DYNLRB1: variants seen among roughly 807,000 people sequenced by gnomAD.
DYNLRB1 encodes the protein ROBL/LC7-like 1.
A neutral mutation model predicts 13.5 loss-of-function variants in DYNLRB1; 6 were observed. The observed-to-expected ratio is 0.44, with a 90% CI of 0.24 to 0.88. The LOEUF is 0.88. Among genes scored for constraint, DYNLRB1 ranks in the 40% least tolerant of loss-of-function variants. The pLI is 0.21. For missense variants in DYNLRB1, 93 were observed against 127.2 expected (o/e 0.73, Z 1.29); for synonymous variants, 43 against 45.0 (o/e 0.96, Z 0.18).
chr20:34,537,985 C>CTTTTTTTTTT (rs67763754), intron 3 of DYNLRB1, among the ~76,000 whole-genome samples: 3 of 94,874 alleles, frequency 3.2e-5, no homozygotes, highest in African/African-American at 4.3e-5. Flanking sequence ...CGTGAACAGG[C>CTTTTTTTTTT]TTTTTTTTTT....
intron 1 of DYNLRB1, chr20:34,516,691 GAGCC>G: frequency 6.7e-7 from 1 of 1,501,372 alleles, no homozygotes; most frequent in Non-Finnish European, 8.9e-7. Flanking sequence ...CCGGAAGCGG[GAGCC>G]CAGCCTCGGC....
At chr20:34,518,126 T>TTTTTG (rs770641703) in intron 1 of DYNLRB1, among the ~76,000 whole-genome samples, 2 of 151,920 alleles carry the variant, frequency 1.3e-5, no homozygotes, top group African/African-American at 2.4e-5. Context: ...TTTGTTGTTG[T>TTTTTG]TTTTGTTTTG....
chr20:34,524,331 A>G (rs889835345), intron 1 of DYNLRB1, among the ~76,000 whole-genome samples: 1 of 152,188 alleles, frequency 6.6e-6, no homozygotes, highest in African/African-American at 2.4e-5. Context: ...GTGATGGTAT[A>G]ACATGGTCTA....
chr20:34,516,262 C>T (rs1979152941), upstream of DYNLRB1: 2 of 850,732 alleles, frequency 2.4e-6, no homozygotes, highest in South Asian at 4.0e-5. Flanking sequence ...TGCTCCTTAG[C>T]TTTTCGCTTT....
intron 2 of DYNLRB1, chr20:34,530,038 C>T: frequency 8.0e-7 from 1 of 1,253,188 alleles, no homozygotes; most frequent in South Asian, 3.1e-5. Context: ...AGACTTTTGT[C>T]ACTAAGAGAG....
chr20:34,516,644 G>C (rs966990827), intron 1 of DYNLRB1, 183 bp downstream of exon 1: 2 of 1,479,032 alleles, frequency 1.4e-6, no homozygotes, highest in African/African-American at 1.4e-5. Flanking sequence ...TCTAAAGCCT[G>C]ACCGAGGCGG....
At chr20:34,520,511 A>T (rs545829506) in intron 1 of DYNLRB1, among the ~76,000 whole-genome samples, 3 of 152,222 alleles carry the variant, frequency 2.0e-5, no homozygotes, top group Admixed American at 2.0e-4. Flanking sequence ...CAGTGGCTCA[A>T]TCTCAGCTCA....
At chr20:34,516,770 G>C in intron 1 of DYNLRB1, 1 of 1,550,110 alleles carries the variant, frequency 6.5e-7, no homozygotes, top group Non-Finnish European at 8.7e-7. Flanking sequence ...GGGCCTTGGT[G>C]CGCGATGGCA....
intron 1 of DYNLRB1, among the ~76,000 whole-genome samples, chr20:34,521,633 C>G (rs1261487882): frequency 1.3e-5 from 2 of 152,126 alleles, no homozygotes; most frequent in African/African-American, 4.8e-5. Context: ...TTTATTGCTG[C>G]TTGTTTTTCC....
Position 34,534,697 on chromosome 20 carries a change from T to C in DYNLRB1, c.149T>C (p.Ile50Thr), listed in dbSNP as rs201549381. Reference protein sequence around the residue: ...TQYASLMHSFILKARSTVRDI... With the variant: ...TQYASLMHSFTLKARSTVRDI... ...TATGCCAGCCTCATGCACAGCTTCA[T>C]CCTGAAGGCACGGAGCACCGTGCGT... The change falls in exon 3 of 4, where the codon ATC (isoleucine) becomes ACC (threonine). Residue 50 changes from isoleucine to threonine, a missense_variant. Physicochemically the swap from Ile to Thr is moderately conservative, Grantham distance 89. Transcript: ENST00000357156. The C allele has an allele frequency of 4.4e-5, 70 of 1,609,106 alleles. No homozygotes were observed. Among genetic ancestry groups the C allele is most frequent in the South Asian group, 4.3e-4 (39 of 90,156 alleles).
Position 34,516,708 on chromosome 20 carries a change from G to A in DYNLRB1, c.3+247G>A, listed in dbSNP as rs761311213. Reference sequence around the variant, plus strand: ...GGAAGCGGGAGCCCAGCCTCGGCCAGGAAGAGATGATGGGCGAGGGGTGGG... The same window carrying A: ...GGAAGCGGGAGCCCAGCCTCGGCCAAGAAGAGATGATGGGCGAGGGGTGGG... On this transcript the variant is annotated intron_variant, in intron 1 of 3. Transcript: ENST00000357156. 2.2e-5 allele frequency: 33 copies of A among 1,529,292 alleles called. 1 individual carries two copies. In the South Asian group the frequency reaches 2.7e-4, roughly 13 times the overall value. The allele number at this position is 1,529,292 out of a possible 1,614,324, so 94.7% of individuals were successfully genotyped here. A position where few individuals can be genotyped will look rare whatever the true frequency, so the allele number is the denominator to read the frequency against.
At chr20:34,535,084 G>A (rs1981037841) in intron 3 of DYNLRB1, 1 of 985,258 alleles carries the variant, frequency 1.0e-6, no homozygotes, top group African/African-American at 1.7e-5. Context: ...AAGGCATTTG[G>A]GACATAGAGG....
At chr20:34,535,390 G>T in intron 3 of DYNLRB1, 1 of 982,186 alleles carries the variant, frequency 1.0e-6, no homozygotes, top group Non-Finnish European at 1.2e-6. Context: ...TTTACGCGAG[G>T]TGCTTGCCTT....
intron 1 of DYNLRB1, among the ~76,000 whole-genome samples, chr20:34,525,440 A>G (rs1291428144): frequency 6.6e-6 from 1 of 152,224 alleles, no homozygotes; most frequent in Non-Finnish European, 1.5e-5. Flanking sequence ...AGGCACACCC[A>G]GGGATTTGGG....
chr20:34,518,157 T>C (rs751819611), intron 1 of DYNLRB1, among the ~76,000 whole-genome samples: 17 of 152,130 alleles, frequency 1.1e-4, no homozygotes, highest in Admixed American at 2.0e-4. Context: ...TCGATGCCTT[T>C]GTCGAAAATC....
At chr20:34,530,459 A>C in intron 2 of DYNLRB1, 3 of 191,746 alleles carry the variant, frequency 1.6e-5, no homozygotes, top group South Asian at 1.8e-4. Flanking sequence ...CCTGGCATGA[A>C]ATGCCTATGA....
intron 2 of DYNLRB1, chr20:34,531,113 A>G (rs1199115652): frequency 1.3e-5 from 2 of 152,298 alleles, no homozygotes; most frequent in African/African-American, 4.8e-5. Flanking sequence ...TAAATGTGTA[A>G]GTCCCATGAA....
At chr20:34,528,887 T>G (rs2094789572) in intron 2 of DYNLRB1, among the ~76,000 whole-genome samples, 1 of 151,948 alleles carries the variant, frequency 6.6e-6, no homozygotes, top group South Asian at 2.1e-4. Flanking sequence ...GACAGGAGGA[T>G]TCCTTGAGCC....
At chr20:34,527,206 G>A (rs999970959) in intron 2 of DYNLRB1, among the ~76,000 whole-genome samples, 5 of 152,080 alleles carry the variant, frequency 3.3e-5, no homozygotes, top group African/African-American at 9.7e-5. Flanking sequence ...GCTTTCTCCC[G>A]CGCCAGGCTG....
Sources: allele counts gnomAD v4.1 joint callset (sites outside exome capture counted in the v4.1 genomes callset), GRCh38; gene constraint gnomAD v4.1.1; transcripts MANE v1.5; gene names NCBI Gene and HGNC (gene_info 2026-07-23, HGNC 2026-07-21).